Variants in UNC80 observed in about 807,000 individuals in gnomAD.
UNC80 encodes protein unc-80 homolog.
Under a neutral mutation model 384.6 loss-of-function variants are expected in UNC80, and 164 were observed. The ratio of observed to expected loss-of-function variants is 0.43; its 90% CI spans 0.38 to 0.49. The LOEUF (loss-of-function observed/expected upper bound fraction) is 0.49, where lower values mean the gene tolerates loss of function less well. UNC80 is among the 20% of genes least tolerant of loss of function. The probability of loss-of-function intolerance (pLI) is 0.00; values close to 1 mark genes in which losing one functional copy is unlikely to be tolerated. For synonymous variants in UNC80, 1,486 were observed against 1,527.8 expected, an observed-to-expected ratio of 0.97 and a Z score of 0.64; for missense variants, 3,330 against 4,143.0, an observed-to-expected ratio of 0.80 and a Z score of 5.39.
chr2:209,994,591 G>A (rs1286955437), intron 64 of UNC80, among the ~76,000 whole-genome samples: 1 of 152,000 alleles, frequency 6.6e-6, no homozygotes, highest in Admixed American at 6.5e-5. Context: ...CTTTTTTTCA[G>A]AAAAATTTGA....
In UNC80 at chr2:209,839,223, G is replaced by A. The variant is rs1474468894; in HGVS notation, c.3043G>A (p.Asp1015Asn). The A allele has an allele frequency of 1.9e-5, 30 of 1,551,326 alleles. No individual in the cohort carries two copies. Among genetic ancestry groups the A allele is most frequent in the Middle Eastern group, 1.7e-4 (1 of 5,940 alleles). Residue 1015 changes from aspartate (D) to asparagine (N), a missense_variant and splice_region_variant, in exon 19 of 65, where the codon GAT becomes AAT. Asp to Asn is a conservative substitution (Grantham distance 23). This residue lies in a region of UNC80 where 801 missense variants were observed against 950.8 expected (regional missense o/e 0.84). Coordinates refer to ENST00000673920, the MANE Select transcript of UNC80 (RefSeq NM_001371986.1). The surrounding 1 kb of genome is among the most constrained non-coding windows in gnomAD (Gnocchi z 4.1). ...SGRPSQTPEH[D>N]EQMQGANLGR... Reference sequence around the variant, plus strand: ...ACCCTATCCTCTGCTTGCCTACAGCGATGAACAAATGCAAGGAGCCAACTT... The same window carrying A: ...ACCCTATCCTCTGCTTGCCTACAGCAATGAACAAATGCAAGGAGCCAACTT...
intron 29 of UNC80, among the ~76,000 whole-genome samples, chr2:209,909,744 G>T (rs2088693427): frequency 6.6e-6 from 1 of 152,052 alleles, no homozygotes; most frequent in African/African-American, 2.4e-5. Flanking sequence ...AGGAGTCACA[G>T]AGTCAACTAG....
At chr2:209,915,522 A>C (rs1257981116) in intron 31 of UNC80, among the ~76,000 whole-genome samples, 1 of 152,124 alleles carries the variant, frequency 6.6e-6, no homozygotes, top group Non-Finnish European at 1.5e-5. Context: ...GAGGGGTCAC[A>C]AGTCCATAAT....
chr2:209,911,724 G>A (rs1182443981), intron 29 of UNC80, among the ~76,000 whole-genome samples: 1 of 152,148 alleles, frequency 6.6e-6, no homozygotes, highest in Non-Finnish European at 1.5e-5. Context: ...TTCTGTTTGA[G>A]GAGAACGATT....
At chr2:209,803,451 A>G (rs1207923486) in intron 7 of UNC80, among the ~76,000 whole-genome samples, 1 of 152,236 alleles carries the variant, frequency 6.6e-6, no homozygotes, top group Non-Finnish European at 1.5e-5. Flanking sequence ...GACACAGACT[A>G]AGAGAATAAC....
At chr2:209,795,344 C>CAGTTTTAAAAGGGA (rs1346674016) in intron 7 of UNC80, 1 of 152,350 alleles carries the variant, frequency 6.6e-6, no homozygotes, top group Non-Finnish European at 1.5e-5. Context: ...TAAAGGCATT[C>CAGTTTTAAAAGGGA]AGTTTTAAAA....
At chr2:209,785,798 T>C (rs2077392883) in intron 4 of UNC80, among the ~76,000 whole-genome samples, 1 of 152,222 alleles carries the variant, frequency 6.6e-6, no homozygotes, top group Admixed American at 6.5e-5. Context: ...CAATAGTTTG[T>C]GTATCCCATG....
chr2:209,936,228 G>A (rs1413743309), intron 40 of UNC80, among the ~76,000 whole-genome samples: 1 of 152,134 alleles, frequency 6.6e-6, no homozygotes, highest in East Asian at 1.9e-4. Flanking sequence ...TGAATGGTAG[G>A]ATAGCAGGAA....
rs201409078 is a variant in UNC80, at chr2:209,813,816, C to T, written c.1175C>T (p.Ser392Leu). 1.4e-5 allele frequency: 22 copies of T among 1,551,970 alleles called. No individual in the cohort carries two copies. The highest frequency in any genetic ancestry group is 1.9e-5 in the Non-Finnish European group (22 of 1,147,012). Residue 392 changes from serine to leucine, a missense_variant, in exon 8 of 65, where the codon TCA becomes TTA. By Grantham distance (145) the Ser-to-Leu change is moderately radical. Around this residue, in one of 8 missense-constraint regions of UNC80, gnomAD observed 937 missense variants for 1,026.8 expected, o/e 0.91. Coordinates refer to ENST00000673920, the MANE Select transcript of UNC80 (RefSeq NM_001371986.1). ...AGCTCCATGGTGGCAGCAGCTCCCT[C>T]ACTAGTGAACACCCACAAAACCCAA... ...RSSSMVAAAP[S>L]LVNTHKTQDL...
chr2:209,956,004 A>G (rs1241927119), intron 48 of UNC80, among the ~76,000 whole-genome samples: 2 of 151,792 alleles, frequency 1.3e-5, no homozygotes, highest in Non-Finnish European at 2.9e-5. Context: ...TCGGCCTCCT[A>G]AAGTGCTGGG....
At chr2:209,813,445 A>G in intron 7 of UNC80, 135 bp from the exon 8 acceptor site, 2 of 908,054 alleles carry the variant, frequency 2.2e-6, no homozygotes, top group Non-Finnish European at 3.2e-6. Flanking sequence ...TTGGAAGGAT[A>G]TTAGAGTAAA....
At chr2:209,975,555 T>A (rs1016878545) in intron 56 of UNC80, among the ~76,000 whole-genome samples, 5 of 152,218 alleles carry the variant, frequency 3.3e-5, no homozygotes, top group African/African-American at 1.2e-4. Flanking sequence ...ACTGGTTACC[T>A]CTGGGGAGCA....
intron 5 of UNC80, among the ~76,000 whole-genome samples, chr2:209,787,299 A>G (rs1234894811): frequency 6.6e-6 from 1 of 152,228 alleles, no homozygotes; most frequent in East Asian, 1.9e-4. Context: ...CCTGGTCCTC[A>G]GATAAAGATG....
chr2:209,836,893 G>A (rs1297805545), intron 18 of UNC80, among the ~76,000 whole-genome samples: 2 of 152,110 alleles, frequency 1.3e-5, no homozygotes, highest in South Asian at 2.1e-4. Context: ...GGACAAAGCC[G>A]ATGTAACATT....
intron 47 of UNC80, among the ~76,000 whole-genome samples, chr2:209,952,815 C>T (rs2092246522): frequency 6.6e-6 from 1 of 152,196 alleles, no homozygotes; most frequent in African/African-American, 2.4e-5. Context: ...GCAGAACCGA[C>T]TTCTTGCCTC....
rs1223683395 is a variant in UNC80 at position 209,933,879 on chromosome 2, T to G, written c.6052T>G (p.Ser2018Ala). The change falls in exon 39 of 65, where the codon TCA becomes GCA. Residue 2018 changes from serine (S) to alanine (A), a missense_variant. Ser to Ala is a moderately conservative substitution (Grantham distance 99). Transcript: ENST00000673920. ...CTGCGAGTGGGGGATGGATGCCATT[T>G]CAGCCACCCTGACATTCCTGTGGGA... The part of the protein sequence containing the change: ...TPCEWGMDAI[S>A]ATLTFLWEVV... 1.9e-6 allele frequency: 3 copies of G among 1,551,414 alleles called. No homozygotes were observed. Among genetic ancestry groups the G allele is most frequent in the Non-Finnish European group, 8.7e-7 (1 of 1,146,830 alleles).
chr2:209,905,206 G>T (rs1253663456), intron 29 of UNC80, among the ~76,000 whole-genome samples: 1 of 152,136 alleles, frequency 6.6e-6, no homozygotes. Context: ...ACTGCATAGG[G>T]ATGATGACGA....
chr2:209,782,417 C>T (rs1386787671), intron 4 of UNC80, among the ~76,000 whole-genome samples: 1 of 152,096 alleles, frequency 6.6e-6, no homozygotes, highest in Admixed American at 6.5e-5. Context: ...TAAACTCCTA[C>T]TTATCCTTTA....
rs2082379330 is a variant in UNC80 at position 209,849,578 on chromosome 2, A to G, written c.3582A>G (p.Pro1194=). The G allele has an allele frequency of 1.9e-6, 3 of 1,551,000 alleles. No individual in the cohort carries two copies. Among genetic ancestry groups the G allele is most frequent in the Non-Finnish European group, 2.6e-6 (3 of 1,146,538 alleles). The change falls in exon 22 of 65, where the codon CCA becomes CCG. Residue 1194 remains proline, a synonymous_variant. Coordinates refer to ENST00000673920, the MANE Select transcript of UNC80 (RefSeq NM_001371986.1). ...AATTTCTGTTAAACTGCTGTGAGCC[A>G]GGGACAATTCCTGATGCCTCCATCC... The part of the protein sequence containing the change: ...RFQFLLNCCE[P]GTIPDASILA...
Sources: allele counts gnomAD v4.1 joint callset (sites outside exome capture counted in the v4.1 genomes callset), GRCh38; gene constraint gnomAD v4.1.1; regional missense constraint gnomAD v4.1.1; non-coding constraint Gnocchi (gnomAD v3.1); transcripts MANE v1.5; gene names NCBI Gene and HGNC (gene_info 2026-07-23, HGNC 2026-07-21).